Variants in PARD3B observed in about 807,000 individuals in gnomAD.
The protein encoded by PARD3B is par-3 family cell polarity regulator beta, also known as partitioning defective 3 homolog B.
Under a neutral mutation model 130.2 loss-of-function variants are expected in PARD3B, and 103 were observed. The observed-to-expected ratio is 0.79, with a 90% CI of 0.67 to 0.93. The LOEUF (loss-of-function observed/expected upper bound fraction) is 0.93, where lower values mean the gene tolerates loss of function less well. Among genes scored for constraint, PARD3B ranks in the 40% least tolerant of loss-of-function variants. The pLI is 0.00. For synonymous variants in PARD3B, 583 were observed against 553.2 expected (o/e 1.05, Z -0.76); for missense variants, 1,609 against 1,499.2 (o/e 1.07, Z -1.21).
At chr2:204,764,847 C>A (rs532181278) in intron 2 of PARD3B, among the ~76,000 whole-genome samples, 3 of 152,104 alleles carry the variant, frequency 2.0e-5, no homozygotes, top group East Asian at 3.9e-4. Flanking sequence ...TATTTAAATT[C>A]ATTCCTTCCC....
At position 204,649,014 on chromosome 2, in the gene PARD3B, A is replaced by G. The variant is rs1390562864; in HGVS notation, c.121-37167A>G. ...ATAATATATATTTATAATAGATATC[A>G]TATAAATAATATATATTTATAATAT... On this transcript the variant is annotated intron_variant, in intron 1 of 22. Coordinates refer to ENST00000406610, the MANE Select transcript of PARD3B (RefSeq NM_001302769.2). 1.2e-4 allele frequency among the ~76,000 whole-genome samples: 11 copies of G among 95,016 alleles called. 2 individuals are homozygous for G. The highest frequency in any genetic ancestry group is 2.1e-4 in the Non-Finnish European group (11 of 53,056). 62.3% of individuals were successfully genotyped at this position (95,016 alleles called of 152,430 possible). A position where few individuals can be genotyped will look rare whatever the true frequency, so the allele number is the denominator to read the frequency against.
intron 2 of PARD3B, among the ~76,000 whole-genome samples, chr2:204,894,817 A>C (rs1392333330): frequency 6.6e-6 from 1 of 152,116 alleles, no homozygotes; most frequent in Non-Finnish European, 1.5e-5. Flanking sequence ...GATGACATGG[A>C]TAAAATGAAC....
intron 4 of PARD3B, among the ~76,000 whole-genome samples, chr2:205,090,580 T>C (rs1339529009): frequency 6.6e-6 from 1 of 152,132 alleles, no homozygotes; most frequent in African/African-American, 2.4e-5. Flanking sequence ...AGATGGCAGG[T>C]TGGGTAAGTT....
intron 2 of PARD3B, among the ~76,000 whole-genome samples, chr2:204,945,312 C>T (rs1231636490): frequency 6.6e-6 from 1 of 152,082 alleles, no homozygotes; most frequent in Non-Finnish European, 1.5e-5. Context: ...TGGTTCAGGT[C>T]CGGGAGATGA....
At chr2:205,038,124 G>C (rs1379653610) in intron 3 of PARD3B, among the ~76,000 whole-genome samples, 1 of 152,058 alleles carries the variant, frequency 6.6e-6, no homozygotes. Context: ...GGTCTGTTTG[G>C]CATATACACC....
chr2:204,807,703 G>A (rs2042823423), intron 2 of PARD3B, among the ~76,000 whole-genome samples: 1 of 151,994 alleles, frequency 6.6e-6, no homozygotes, highest in African/African-American at 2.4e-5. Flanking sequence ...TAGAACTGGA[G>A]GACATTGTGT....
chr2:204,977,452 A>G (rs1692271297), intron 3 of PARD3B, among the ~76,000 whole-genome samples: 1 of 152,178 alleles, frequency 6.6e-6, no homozygotes, highest in South Asian at 2.1e-4. Context: ...GTTTAGAGAG[A>G]ATTTCAAATA....
At chr2:204,973,506 T>A (rs1691881579) in intron 3 of PARD3B, among the ~76,000 whole-genome samples, 1 of 150,216 alleles carries the variant, frequency 6.7e-6, no homozygotes, top group African/African-American at 2.4e-5. Flanking sequence ...GCCTTTAAGA[T>A]TTTTTTTTTC....
At chr2:205,501,616 A>AG (rs1466320392) in intron 21 of PARD3B, among the ~76,000 whole-genome samples, 1 of 152,252 alleles carries the variant, frequency 6.6e-6, no homozygotes, top group Non-Finnish European at 1.5e-5. Flanking sequence ...CACCGTGTCC[A>AG]GCGCATTGAA....
intron 2 of PARD3B, among the ~76,000 whole-genome samples, chr2:204,753,125 C>T (rs983208722): frequency 3.3e-5 from 5 of 152,092 alleles, no homozygotes; most frequent in African/African-American, 1.2e-4. Flanking sequence ...TGTCAAAACA[C>T]TCAGACCATT....
chr2:204,941,543 A>C (rs1400321794), intron 2 of PARD3B, among the ~76,000 whole-genome samples: 1 of 152,214 alleles, frequency 6.6e-6, no homozygotes. Context: ...TTACTGCTGC[A>C]CCTTTCCCAT....
At chr2:205,414,813 T>C (rs1165599567) in intron 19 of PARD3B, among the ~76,000 whole-genome samples, 1 of 152,092 alleles carries the variant, frequency 6.6e-6, no homozygotes, top group Non-Finnish European at 1.5e-5. Context: ...CCAAAGAAAG[T>C]TTCAAGTGCT....
intron 3 of PARD3B, among the ~76,000 whole-genome samples, chr2:204,998,100 A>G (rs904782512): frequency 1.1e-4 from 16 of 149,266 alleles, no homozygotes; most frequent in African/African-American, 3.9e-4. Flanking sequence ...TAACATAGTA[A>G]GGCAAGAAAG....
intron 2 of PARD3B, among the ~76,000 whole-genome samples, chr2:204,759,117 G>A (rs1431437144): frequency 6.6e-6 from 1 of 152,066 alleles, no homozygotes; most frequent in East Asian, 1.9e-4. Flanking sequence ...TTCTTGTAAT[G>A]TTCTCATAAT....
chr2:204,848,398 G>C (rs909512214), intron 2 of PARD3B, among the ~76,000 whole-genome samples: 2 of 152,088 alleles, frequency 1.3e-5, no homozygotes, highest in African/African-American at 4.8e-5. Flanking sequence ...TTACTGCACT[G>C]TTTTCTGGCT....
At chr2:205,380,577 A>ATATATACAG (rs1435152718) in intron 18 of PARD3B, among the ~76,000 whole-genome samples, 1 of 3,674 alleles carries the variant, frequency 2.7e-4, no homozygotes, top group Non-Finnish European at 6.6e-4. Flanking sequence ...TATATAAAGA[A>ATATATACAG]TATATATTAT....
intron 18 of PARD3B, among the ~76,000 whole-genome samples, chr2:205,384,089 A>C (rs752619686): frequency 2.0e-5 from 3 of 152,118 alleles, no homozygotes; most frequent in Non-Finnish European, 4.4e-5. Flanking sequence ...TACTTGCCAC[A>C]ACCATCAGTC....
intron 2 of PARD3B, among the ~76,000 whole-genome samples, chr2:204,937,421 G>T (rs1373433041): frequency 1.3e-5 from 2 of 152,098 alleles, no homozygotes; most frequent in East Asian, 3.9e-4. Context: ...CCCTTCTCTT[G>T]TTTGTTAGTT....
At chr2:204,638,003 A>AAG (rs1405661429) in intron 1 of PARD3B, among the ~76,000 whole-genome samples, 4 of 152,148 alleles carry the variant, frequency 2.6e-5, no homozygotes, top group Admixed American at 6.5e-5. Context: ...TATCCCTGGT[A>AAG]AGAAACTATC....
Sources: allele counts gnomAD v4.1 joint callset (sites outside exome capture counted in the v4.1 genomes callset), GRCh38; gene constraint gnomAD v4.1.1; transcripts MANE v1.5; gene names NCBI Gene and HGNC (gene_info 2026-07-23, HGNC 2026-07-21).